KCNH8: variants seen among roughly 807,000 people sequenced by gnomAD.
The protein encoded by KCNH8 is potassium voltage-gated channel subfamily H member 8, also known as voltage-gated delayed rectifier potassium channel KCNH8.
A neutral mutation model predicts 103.6 loss-of-function variants in KCNH8; 70 were observed. The observed-to-expected ratio is 0.68, with a 90% confidence interval of 0.56 to 0.82. The LOEUF is 0.82. KCNH8 is among the 40% of genes least tolerant of loss of function. The pLI, the probability that KCNH8 is intolerant of heterozygous loss-of-function variation, is 0.00. For synonymous variants in KCNH8, 498 were observed against 489.4 expected, an observed-to-expected ratio of 1.02 and a Z score of -0.23; for missense variants, 1,217 against 1,329.9, an observed-to-expected ratio of 0.92 and a Z score of 1.32.
intron 1 of KCNH8, among the ~76,000 whole-genome samples, chr3:19,183,619 A>G (rs1033197547): frequency 2.6e-5 from 4 of 152,232 alleles, no homozygotes; most frequent in Non-Finnish European, 4.4e-5. Context: ...AAATGCCATT[A>G]AATTATAATT....
At chr3:19,519,431 C>T (rs570885838) in intron 15 of KCNH8, among the ~76,000 whole-genome samples, 20 of 151,616 alleles carry the variant, frequency 1.3e-4, no homozygotes, top group African/African-American at 4.1e-4. Context: ...TTCTCTTAAA[C>T]CTGTGTTTCT....
chr3:19,488,034 TA>T (rs1459103197), intron 11 of KCNH8, among the ~76,000 whole-genome samples: 1 of 152,188 alleles, frequency 6.6e-6, no homozygotes, highest in African/African-American at 2.4e-5. Flanking sequence ...CCTCCAATTG[TA>T]ATCCTGACGG....
chr3:19,473,376 T>A (rs961231671), intron 11 of KCNH8, among the ~76,000 whole-genome samples: 9 of 152,182 alleles, frequency 5.9e-5, no homozygotes. Context: ...TGACAAAATA[T>A]CCATACCTTG....
chr3:19,193,267 T>C (rs891123197), intron 1 of KCNH8, among the ~76,000 whole-genome samples: 7 of 151,706 alleles, frequency 4.6e-5, no homozygotes, highest in African/African-American at 1.7e-4. Flanking sequence ...ACAAAGGTTA[T>C]GTGTAAGAAT....
intron 11 of KCNH8, among the ~76,000 whole-genome samples, chr3:19,492,412 C>G (rs7624388): frequency 0.013 from 1,988 of 152,272 alleles, 42 homozygotes; most frequent in African/African-American, 0.044. Flanking sequence ...GTTATCCCAG[C>G]ACCGTTTATT....
chr3:19,305,102 A>G (rs1237479305), intron 3 of KCNH8, among the ~76,000 whole-genome samples: 1 of 151,964 alleles, frequency 6.6e-6, no homozygotes, highest in Admixed American at 6.5e-5. Flanking sequence ...TCCAGAAAAA[A>G]GGAAAAAAAA....
At position 19,274,828 on chromosome 3, in the gene KCNH8, T is replaced by C. The variant is rs531051630; in HGVS notation, c.311-6370T>C. On this transcript the variant is annotated intron_variant, in intron 2 of 15. Coordinates refer to ENST00000328405, the MANE Select transcript of KCNH8 (RefSeq NM_144633.3). The stretch of plus-strand genomic sequence containing the variant: ...AATCATAACTTGATTTCCCTTCCCT[T>C]CCCTCCCCTCCCCACCCCTCCCCTC... Among the ~76,000 whole-genome samples the C allele has an allele frequency of 6.6e-3, 433 of 65,520 alleles. 3 individuals are homozygous for C. Among genetic ancestry groups the C allele is most frequent in the Middle Eastern group, 0.013 (2 of 150 alleles). 43.0% of individuals were successfully genotyped at this position (65,520 alleles called of 152,430 possible).
At chr3:19,305,519 A>G (rs1483321677) in intron 3 of KCNH8, among the ~76,000 whole-genome samples, 1 of 152,146 alleles carries the variant, frequency 6.6e-6, no homozygotes, top group African/African-American at 2.4e-5. Flanking sequence ...TCCTGCCCAG[A>G]GCAGGCAGAG....
chr3:19,382,773 C>T (rs1377447097), intron 5 of KCNH8, among the ~76,000 whole-genome samples: 1 of 152,048 alleles, frequency 6.6e-6, no homozygotes, highest in South Asian at 2.1e-4. Flanking sequence ...TATGGCTTTA[C>T]AAAAACACCT....
intron 7 of KCNH8, among the ~76,000 whole-genome samples, chr3:19,404,601 T>G (rs1249936344): frequency 6.6e-6 from 1 of 151,882 alleles, no homozygotes; most frequent in Non-Finnish European, 1.5e-5. Context: ...GACTTCTATA[T>G]TTAAATGAGT....
intron 1 of KCNH8, among the ~76,000 whole-genome samples, chr3:19,250,994 G>A (rs1045311040): frequency 6.6e-6 from 1 of 152,106 alleles, no homozygotes; most frequent in Non-Finnish European, 1.5e-5. Context: ...TTTTTAGGAT[G>A]TGTAGTACTT....
At chr3:19,213,815 A>G (rs570419691) in intron 1 of KCNH8, among the ~76,000 whole-genome samples, 1 of 152,336 alleles carries the variant, frequency 6.6e-6, no homozygotes, top group South Asian at 2.1e-4. Flanking sequence ...AGGCTTTTTC[A>G]GAATGGTCCT....
In KCNH8 at chr3:19,357,282, A is replaced by G. The variant is rs148500450; in HGVS notation, c.811+9317A>G. ...CCTTCATTTCCACTGGGATGTGTAG[A>G]TAGAAGGAGATGGTGTTTGAAACCA... On this transcript the variant is annotated intron_variant, in intron 5 of 15. Transcript: ENST00000328405. Among the ~76,000 whole-genome samples, 54 of 151,994 alleles carry G rather than the reference A, an allele frequency of 3.6e-4. 1 individual carries two copies. Among genetic ancestry groups the G allele is most frequent in the Admixed American group, 2.8e-3 (43 of 15,216 alleles).
chr3:19,436,675 G>A (rs1344929630), intron 7 of KCNH8, among the ~76,000 whole-genome samples: 2 of 152,264 alleles, frequency 1.3e-5, no homozygotes, highest in Non-Finnish European at 2.9e-5. Flanking sequence ...ACAAAATTAG[G>A]TCAGTTGTTT....
intron 1 of KCNH8, among the ~76,000 whole-genome samples, chr3:19,171,034 C>T (rs919203978): frequency 2.6e-5 from 4 of 151,666 alleles, no homozygotes; most frequent in Middle Eastern, 3.4e-3. Flanking sequence ...CTCCTGACCA[C>T]GTGATCCACC....
At position 19,255,418 on chromosome 3, in the gene KCNH8, A is replaced by G. The variant is rs200545174; in HGVS notation, c.310+1531A>G. Among the ~76,000 whole-genome samples the G allele has an allele frequency of 7.2e-5, 11 of 152,290 alleles. No homozygotes were observed. In the East Asian group the frequency reaches 1.9e-3, roughly 27 times the overall value. ...GATCATGTCATGTGCAAACAGAGACAGTTTGATGTCCTCTTTTCCTATTTG... is the reference window on the plus strand; with the variant it reads ...GATCATGTCATGTGCAAACAGAGACGGTTTGATGTCCTCTTTTCCTATTTG... On this transcript the variant is annotated intron_variant, in intron 2 of 15. Transcript: ENST00000328405.
chr3:19,318,383 T>G (rs1368305947), intron 3 of KCNH8, among the ~76,000 whole-genome samples: 2 of 151,618 alleles, frequency 1.3e-5, no homozygotes, highest in Non-Finnish European at 3.0e-5. Context: ...GTCACCAGAG[T>G]AGTATACACT....
At chr3:19,524,958 G>C (rs1350023599) in intron 15 of KCNH8, among the ~76,000 whole-genome samples, 2 of 151,904 alleles carry the variant, frequency 1.3e-5, no homozygotes, top group South Asian at 2.1e-4. Context: ...ACATGAGTTA[G>C]AGAAGGCTGG....
At chr3:19,328,547 A>C (rs1339831177) in intron 3 of KCNH8, among the ~76,000 whole-genome samples, 1 of 152,150 alleles carries the variant, frequency 6.6e-6, no homozygotes, top group African/African-American at 2.4e-5. Flanking sequence ...AGCAATAAAA[A>C]TTTGCTTTTA....
Sources: allele counts gnomAD v4.1 joint callset (sites outside exome capture counted in the v4.1 genomes callset), GRCh38; gene constraint gnomAD v4.1.1; transcripts MANE v1.5; gene names NCBI Gene and HGNC (gene_info 2026-07-23, HGNC 2026-07-21).